LPP: variants seen among roughly 807,000 people sequenced by gnomAD.
LPP encodes LIM domain containing preferred translocation partner in lipoma.
Under a neutral mutation model 60.4 loss-of-function variants are expected in LPP, and 38 were observed. That is an observed-to-expected ratio of 0.63 (90% CI 0.49 to 0.83). The LOEUF (loss-of-function observed/expected upper bound fraction) is 0.83, where lower values mean the gene tolerates loss of function less well. LPP is among the 40% of genes least tolerant of loss of function. The pLI is 0.00. For missense variants in LPP, 902 were observed against 783.6 expected (o/e 1.15, Z -1.80); for synonymous variants, 328 against 290.8 (o/e 1.13, Z -1.30).
intron 5 of LPP, among the ~76,000 whole-genome samples, chr3:188,514,639 G>A (rs4686968): frequency 0.64 from 97,436 of 151,558 alleles, 31,788 homozygotes; most frequent in Middle Eastern, 0.74. Context: ...ATGGCGTTTC[G>A]CCATGTTGGC....
At chr3:188,719,739 A>G (rs981977466) in intron 8 of LPP, among the ~76,000 whole-genome samples, 5 of 152,134 alleles carry the variant, frequency 3.3e-5, no homozygotes, top group Admixed American at 1.3e-4. Flanking sequence ...TCAAACCACC[A>G]TCATTCCCCC....
intron 2 of LPP, among the ~76,000 whole-genome samples, chr3:188,299,473 T>C (rs932760507): frequency 6.6e-6 from 1 of 152,220 alleles, no homozygotes; most frequent in Non-Finnish European, 1.5e-5. Flanking sequence ...CTGATTCCCT[T>C]TCTAGGTCAG....
intron 2 of LPP, among the ~76,000 whole-genome samples, chr3:188,277,457 G>T (rs1486303030): frequency 6.6e-6 from 1 of 152,120 alleles, no homozygotes; most frequent in Non-Finnish European, 1.5e-5. Context: ...CAGAGGAGGT[G>T]CTCAGTAAAT....
intron 4 of LPP, among the ~76,000 whole-genome samples, chr3:188,464,394 C>T (rs1799860250): frequency 6.6e-6 from 1 of 152,176 alleles, no homozygotes; most frequent in African/African-American, 2.4e-5. Flanking sequence ...CCACTAGTCA[C>T]ATTTTGAGTG....
intron 3 of LPP, among the ~76,000 whole-genome samples, chr3:188,353,697 A>G (rs1437254472): frequency 6.6e-6 from 1 of 152,118 alleles, no homozygotes; most frequent in East Asian, 1.9e-4. Flanking sequence ...CTGCCTCCTT[A>G]TGAGTTTGGG....
intron 2 of LPP, among the ~76,000 whole-genome samples, chr3:188,268,017 A>ATTTTT (rs5855185): frequency 1.5e-4 from 15 of 102,336 alleles, no homozygotes; most frequent in Non-Finnish European, 2.7e-4. Context: ...ATTTTTAAGG[A>ATTTTT]TTTTTTTTTT....
At chr3:188,522,162 T>A (rs1819043831) in intron 5 of LPP, among the ~76,000 whole-genome samples, 1 of 152,190 alleles carries the variant, frequency 6.6e-6, no homozygotes, top group Non-Finnish European at 1.5e-5. Flanking sequence ...CTTAAACAGT[T>A]TAATCAGACT....
intron 1 of LPP, among the ~76,000 whole-genome samples, chr3:188,196,129 C>T (rs1447559449): frequency 6.6e-6 from 1 of 152,144 alleles, no homozygotes; most frequent in African/African-American, 2.4e-5. Context: ...TTTGTTATTC[C>T]TTTACCTCCC....
intron 2 of LPP, among the ~76,000 whole-genome samples, chr3:188,287,147 C>G (rs1432621494): frequency 1.3e-5 from 2 of 152,240 alleles, no homozygotes; most frequent in Admixed American, 1.3e-4. Flanking sequence ...GTGATCCCCC[C>G]ACCTCGGCTT....
chr3:188,526,953 C>T (rs1319711837), intron 6 of LPP, among the ~76,000 whole-genome samples: 1 of 152,202 alleles, frequency 6.6e-6, no homozygotes, highest in Non-Finnish European at 1.5e-5. Flanking sequence ...GAAGGTGACA[C>T]AGTCTGATAA....
rs371075090 is a variant in LPP, at chr3:188,708,316, G to A, written c.1163G>A (p.Arg388His). 1.0e-4 allele frequency: 168 copies of A among 1,613,980 alleles called. 1 individual carries two copies. Among genetic ancestry groups the A allele is most frequent in the Non-Finnish European group, 1.2e-4 (145 of 1,180,010 alleles). ...CCTTCGTCAGTTGCCCCTTCATTCC[G>A]CCCAGAGGATGAGCTTGAGCACCTG... ...LGPSSVAPSF[R>H]PEDELEHLTK... The change falls in exon 8 of 12, where the codon CGC becomes CAC. Residue 388 changes from arginine (R) to histidine (H), a missense_variant. Transcript: ENST00000617246.
intron 2 of LPP, among the ~76,000 whole-genome samples, chr3:188,277,347 GCTGC>G (rs1298167154): frequency 2.0e-5 from 3 of 152,158 alleles, no homozygotes; most frequent in Non-Finnish European, 4.4e-5. Flanking sequence ...CCATAGCCTG[GCTGC>G]CAGGTGCCCC....
chr3:188,833,591 T>C (rs1214406363), intron 9 of LPP, among the ~76,000 whole-genome samples: 5 of 152,200 alleles, frequency 3.3e-5, no homozygotes. Flanking sequence ...GCTTCTCTCT[T>C]CTTGAAGGGC....
At chr3:188,275,019 C>T (rs1390021618) in intron 2 of LPP, among the ~76,000 whole-genome samples, 1 of 152,144 alleles carries the variant, frequency 6.6e-6, no homozygotes, top group Non-Finnish European at 1.5e-5. Flanking sequence ...AGTTCTAAAT[C>T]CTGTCCCCTT....
intron 7 of LPP, among the ~76,000 whole-genome samples, chr3:188,684,459 C>T (rs1860216355): frequency 6.6e-6 from 1 of 152,142 alleles, no homozygotes; most frequent in Non-Finnish European, 1.5e-5. Flanking sequence ...TAAGTTCTTC[C>T]ATGTTCCAAA....
chr3:188,448,336 A>T (rs192595998), intron 4 of LPP, among the ~76,000 whole-genome samples: 47 of 28,980 alleles, frequency 1.6e-3, no homozygotes, highest in African/African-American at 3.9e-3. Context: ...GTTACCTGAG[A>T]TGACTCGTGC....
intron 8 of LPP, among the ~76,000 whole-genome samples, chr3:188,741,216 C>A (rs534751792): frequency 4.6e-5 from 7 of 151,130 alleles, no homozygotes; most frequent in Non-Finnish European, 1.0e-4. Flanking sequence ...CACTTGGTCC[C>A]ACCGAGGTTC....
chr3:188,338,160 A>G lies in LPP; in HGVS notation c.-66-3503A>G, dbSNP rs149996477. The stretch of plus-strand genomic sequence containing the variant: ...CTCTGATAGATGCTGACAGGTGTGG[A>G]AATTAAAATCAGAGAGGGAAGCAAT... On this transcript the variant is annotated intron_variant, in intron 2 of 11. Coordinates refer to ENST00000617246, the MANE Select transcript of LPP (RefSeq NM_001375462.1). Among the ~76,000 whole-genome samples the G allele has an allele frequency of 1.5e-3, 235 of 152,368 alleles. 1 individual carries two copies. Among genetic ancestry groups the G allele is most frequent in the African/African-American group, 5.0e-3 (209 of 41,586 alleles).
chr3:188,569,085 G>C (rs910781302), intron 6 of LPP: 2 of 151,846 alleles, frequency 1.3e-5, no homozygotes, highest in Non-Finnish European at 2.9e-5. Context: ...TGAAAGAATG[G>C]TGTTTTTGGC....
Sources: allele counts gnomAD v4.1 joint callset (sites outside exome capture counted in the v4.1 genomes callset), GRCh38; gene constraint gnomAD v4.1.1; transcripts MANE v1.5; gene names NCBI Gene and HGNC (gene_info 2026-07-23, HGNC 2026-07-21).